The following CDH4 variants were observed in gnomAD, a reference collection of about 807,000 sequenced individuals.
The protein encoded by CDH4 is cadherin-4.
CDH4 carries 33 observed loss-of-function variants against 86.0 expected under a neutral mutation model. That is an observed-to-expected ratio of 0.38 (90% CI 0.29 to 0.51). The LOEUF (loss-of-function observed/expected upper bound fraction) is 0.51. CDH4 is among the 20% of genes least tolerant of loss of function. The pLI, the probability that CDH4 is intolerant of heterozygous loss-of-function variation, is 0.86. For synonymous variants in CDH4, 555 were observed against 549.4 expected (o/e 1.01, Z -0.14); for missense variants, 1,114 against 1,307.4 (o/e 0.85, Z 2.28).
intron 2 of CDH4, among the ~76,000 whole-genome samples, chr20:61,492,932 G>A (rs971440187): frequency 2.0e-5 from 3 of 152,246 alleles, no homozygotes; most frequent in Non-Finnish European, 4.4e-5. Context: ...GATGAGCCAA[G>A]TTGGCAGTGG....
intron 2 of CDH4, among the ~76,000 whole-genome samples, chr20:61,688,590 C>T (rs926860470): frequency 2.0e-5 from 3 of 152,212 alleles, no homozygotes; most frequent in African/African-American, 4.8e-5. Context: ...TGGAGTCCTC[C>T]AGGGACTCGC....
chr20:61,609,730 C>T (rs751407288), intron 2 of CDH4, among the ~76,000 whole-genome samples: 53 of 152,366 alleles, frequency 3.5e-4, no homozygotes, highest in Admixed American at 1.5e-3. Flanking sequence ...CCTGTCTTTG[C>T]AGCAGCTCTG....
chr20:61,528,244 G>A (rs1009120705), intron 2 of CDH4, among the ~76,000 whole-genome samples: 1 of 151,370 alleles, frequency 6.6e-6, no homozygotes, highest in African/African-American at 2.4e-5. Context: ...GGGAGTGGTG[G>A]TGTGTGCCTG....
chr20:61,724,622 A>G (rs2088088394), intron 2 of CDH4, among the ~76,000 whole-genome samples: 1 of 152,190 alleles, frequency 6.6e-6, no homozygotes, highest in Non-Finnish European at 1.5e-5. Context: ...CCCGGGCTGT[A>G]CTGTGGCCAT....
chr20:61,374,381 C>T (rs1442245977), intron 2 of CDH4, among the ~76,000 whole-genome samples: 1 of 152,126 alleles, frequency 6.6e-6, no homozygotes, highest in Non-Finnish European at 1.5e-5. Context: ...CGTGACATGT[C>T]GTGGCATCCC....
At chr20:61,857,685 T>C (rs1256219001) in intron 6 of CDH4, among the ~76,000 whole-genome samples, 1 of 152,272 alleles carries the variant, frequency 6.6e-6, no homozygotes, top group African/African-American at 2.4e-5. Flanking sequence ...AAAAAATCTT[T>C]TTATTTTGAG....
At chr20:61,565,766 C>G (rs893962948) in intron 2 of CDH4, among the ~76,000 whole-genome samples, 2 of 152,174 alleles carry the variant, frequency 1.3e-5, no homozygotes, top group African/African-American at 2.4e-5. Context: ...AGAGGAGAAG[C>G]CTCCTTCCAC....
chr20:61,779,910 C>T (rs1057008009), intron 4 of CDH4, among the ~76,000 whole-genome samples: 1 of 152,214 alleles, frequency 6.6e-6, no homozygotes. Context: ...GTTATCTTTA[C>T]AGAATGTTTG....
At chr20:61,601,690 T>C (rs906778927) in intron 2 of CDH4, among the ~76,000 whole-genome samples, 17 of 152,140 alleles carry the variant, frequency 1.1e-4, no homozygotes, top group African/African-American at 3.9e-4. Flanking sequence ...CTGGTCTCAG[T>C]TGAGTTGCAC....
intron 2 of CDH4, among the ~76,000 whole-genome samples, chr20:61,459,511 C>T (rs185958459): frequency 2.7e-5 from 4 of 150,610 alleles, no homozygotes; most frequent in Non-Finnish European, 4.4e-5. Flanking sequence ...ACCAAGCTCT[C>T]GGAGGATTCC....
At chr20:61,317,009 AT>A (rs1475296390) in intron 2 of CDH4, among the ~76,000 whole-genome samples, 3 of 140,450 alleles carry the variant, frequency 2.1e-5, no homozygotes, top group Non-Finnish European at 4.5e-5. Context: ...GTAACCTGCT[AT>A]TTCTTTTTTT....
chr20:61,446,109 G>A (rs8122865), intron 2 of CDH4, among the ~76,000 whole-genome samples: 4,269 of 152,326 alleles, frequency 0.028, 196 homozygotes, highest in African/African-American at 0.096. Flanking sequence ...GAGATCAAAT[G>A]TGTGGGTCAT....
At chr20:61,587,066 G>A (rs78451065) in intron 2 of CDH4, among the ~76,000 whole-genome samples, 2,710 of 152,282 alleles carry the variant, frequency 0.018, 37 homozygotes, top group African/African-American at 0.037. Flanking sequence ...GAGGAGGGAT[G>A]TCAGCAGAGG....
At chr20:61,293,528 G>T (rs2084335045) in intron 2 of CDH4, among the ~76,000 whole-genome samples, 1 of 152,170 alleles carries the variant, frequency 6.6e-6, no homozygotes, top group Non-Finnish European at 1.5e-5. Context: ...TGGTCCTGGG[G>T]ACAACAGTGC....
At chr20:61,735,634 C>T (rs1413408813) in intron 2 of CDH4, among the ~76,000 whole-genome samples, 1 of 152,222 alleles carries the variant, frequency 6.6e-6, no homozygotes, top group African/African-American at 2.4e-5. Flanking sequence ...ACATCTGCCC[C>T]CTCCGCTGGA....
intron 2 of CDH4, among the ~76,000 whole-genome samples, chr20:61,706,722 C>T (rs575990408): frequency 6.5e-4 from 99 of 152,228 alleles, no homozygotes; most frequent in East Asian, 3.5e-3. Context: ...TGAATTCTCC[C>T]GAGCCCGCTG....
Position 61,856,575 on chromosome 20 carries a change from C to T in CDH4, c.877+3677C>T, listed in dbSNP as rs543074402. On this transcript the variant is annotated intron_variant, in intron 6 of 15. Transcript: ENST00000614565. The stretch of plus-strand genomic sequence containing the variant: ...CCACAAGGGTTCTGCGTGCACCCCA[C>T]ATTCTTCCCCAGCCCCCTAGAATCC... Among the ~76,000 whole-genome samples the T allele has an allele frequency of 1.6e-3, 239 of 147,070 alleles. 1 individual carries two copies. The highest frequency in any genetic ancestry group is 2.3e-3 in the Non-Finnish European group (153 of 66,206).
At chr20:61,820,008 T>C (rs1414382685) in intron 4 of CDH4, among the ~76,000 whole-genome samples, 1 of 152,162 alleles carries the variant, frequency 6.6e-6, no homozygotes, top group Non-Finnish European at 1.5e-5. Context: ...TCCTGACTTT[T>C]CCCGGGGACC....
rs749505446 is a variant in CDH4, at chr20:61,547,700, G to A, written c.170-195863G>A. ...AGAATGTTCCCGAGCTCCTGCCCCT[G>A]CAGACAGCGCAGGAGCAGCCTTTTC... On this transcript the variant is annotated intron_variant, in intron 2 of 15. Coordinates refer to ENST00000614565, the MANE Select transcript of CDH4 (RefSeq NM_001794.5). Among the ~76,000 whole-genome samples the A allele has an allele frequency of 1.9e-4, 29 of 152,320 alleles. No individual in the cohort carries two copies. In the South Asian group the frequency reaches 2.1e-3, roughly 11 times the overall value.
Sources: gnomAD v4.1 joint callset for allele counts (sites outside exome capture counted in the v4.1 genomes callset) on GRCh38, gnomAD v4.1.1 for gene constraint, MANE v1.5 for transcripts, NCBI Gene and HGNC (gene_info 2026-07-23, HGNC 2026-07-21) for gene names.